TMEM150B: variants seen among roughly 807,000 people sequenced by gnomAD.
The protein encoded by TMEM150B is modulator of macroautophagy TMEM150B.
A neutral mutation model predicts 25.2 loss-of-function variants in TMEM150B; 33 were observed. The observed-to-expected ratio is 1.31, with a 90% CI of 0.99 to 1.75. The LOEUF is 1.75. Among genes scored for constraint, TMEM150B ranks in the 40% most tolerant of loss-of-function variants. The pLI is 0.00. For synonymous variants in TMEM150B, 133 were observed against 134.8 expected, an observed-to-expected ratio of 0.99 and a Z score of 0.09; for missense variants, 322 against 306.1, an observed-to-expected ratio of 1.05 and a Z score of -0.39.
At chr19:55,310,714 C>T (rs1354625558), downstream of TMEM150B, among the ~76,000 whole-genome samples, 3 of 152,172 alleles carry the variant, frequency 2.0e-5, no homozygotes, top group African/African-American at 4.8e-5. The surrounding 1 kb of genome is among the most constrained non-coding windows in gnomAD (Gnocchi z 5.0). Flanking sequence ...AAATGGCAGT[C>T]GTGCTGAGGT....
At chr19:55,317,107 A>ACT in intron 6 of TMEM150B, 141 bp from the exon 7 acceptor site, 1 of 668,334 alleles carries the variant, frequency 1.5e-6, no homozygotes, top group Non-Finnish European at 2.4e-6. Context: ...TAAGCACATC[A>ACT]GCTATTGTCA....
In TMEM150B at chr19:55,313,036, GC is replaced by G. The variant is rs1348397548; in HGVS notation, c.524del (p.Cys175SerfsTer25). On this transcript the variant is annotated frameshift_variant, in exon 8 of 8. Transcript: ENST00000326652. LOFTEE classifies it low-confidence loss of function (END_TRUNC). ...AGGCCGCAGAGACGCTACGCAGCGAGCAGGCGTGGAGGACGATCACTGCCCC... is the reference window on the plus strand; with the variant it reads ...AGGCCGCAGAGACGCTACGCAGCGAGAGGCGTGGAGGACGATCACTGCCCC... ...LIVAMIVLHA[C>X]SLRSVSAACE... The G allele has an allele frequency of 6.2e-7, 1 of 1,612,356 alleles. No individual in the cohort carries two copies. Among genetic ancestry groups the G allele is most frequent in the South Asian group, 1.1e-5 (1 of 90,862 alleles).
At chr19:55,311,263 A>G (rs552041104), downstream of TMEM150B, among the ~76,000 whole-genome samples, 227 of 152,184 alleles carry the variant, frequency 1.5e-3, 1 homozygote, top group Admixed American at 3.9e-3. Flanking sequence ...CGCCCGGCCC[A>G]CTCAGTTTCT....
intron 2 of TMEM150B, among the ~76,000 whole-genome samples, chr19:55,321,813 A>C (rs2089214624): frequency 6.6e-6 from 1 of 152,110 alleles, no homozygotes; most frequent in African/African-American, 2.4e-5. Flanking sequence ...CGGGTACCCA[A>C]GAGTGAGGGC....
chr19:55,310,356 TCTGA>T (rs1188037850), downstream of TMEM150B, among the ~76,000 whole-genome samples: 3 of 152,244 alleles, frequency 2.0e-5, no homozygotes, highest in South Asian at 6.2e-4. The surrounding 1 kb of genome is among the most constrained non-coding windows in gnomAD (Gnocchi z 5.0). Flanking sequence ...CATATATCCC[TCTGA>T]CTGACCTTAG....
chr19:55,311,946 GC>G, downstream of TMEM150B: 1 of 1,610,632 alleles, frequency 6.2e-7, no homozygotes, highest in Non-Finnish European at 8.5e-7. Flanking sequence ...GCCTGCTGGT[GC>G]CCCACCCCGA....
chr19:55,316,841 C>A lies in TMEM150B; in HGVS notation c.450G>T (p.Trp150Cys), dbSNP rs778327681. 8.2e-6 allele frequency: 13 copies of A among 1,586,372 alleles called. No homozygotes were observed. The highest frequency in any genetic ancestry group is 8.5e-6 in the Non-Finnish European group (10 of 1,170,660). Residue 150 changes from tryptophan to cysteine, a missense_variant, in exon 7 of 8, where the codon TGG becomes TGT. Trp to Cys is a radical substitution (Grantham distance 215, BLOSUM62 -2). Transcript: ENST00000326652. ...AGAGGCCCAGGCGGAGGGGCCCAAT[C>A]CAGGCAGCCCCGGGCTGGGGCAGCC... The part of the protein sequence containing the change: ...LKRLPQPGAA[W>C]IGPLRLGLCS...
chr19:55,316,830 A>AT lies in TMEM150B; in HGVS notation c.460_461insA (p.Leu154HisfsTer26). On this transcript the variant is annotated frameshift_variant, in exon 7 of 8. Coordinates refer to ENST00000326652, the MANE Select transcript of TMEM150B (RefSeq NM_001282011.2). LOFTEE classifies it low-confidence loss of function (END_TRUNC). ...GCAGACGCTGCAGAGGCCCAGGCGG[A>AT]GGGGCCCAATCCAGGCAGCCCCGGG... 4 of 1,578,302 alleles carry AT rather than the reference A, an allele frequency of 2.5e-6. No individual in the cohort carries two copies. Among genetic ancestry groups the AT allele is most frequent in the Non-Finnish European group, 3.4e-6 (4 of 1,168,056 alleles).
At chr19:55,316,090 G>A (rs1227076574) in intron 7 of TMEM150B, among the ~76,000 whole-genome samples, 1 of 152,178 alleles carries the variant, frequency 6.6e-6, no homozygotes, top group Non-Finnish European at 1.5e-5. Context: ...TTGGAATTGA[G>A]TCAAGCCTCA....
chr19:55,311,522 G>A (rs1199855646), downstream of TMEM150B, among the ~76,000 whole-genome samples: 2 of 152,192 alleles, frequency 1.3e-5, no homozygotes, highest in Non-Finnish European at 2.9e-5. Context: ...AACCAGGGTA[G>A]GAGAGAGTCG....
At chr19:55,317,070 A>C in intron 6 of TMEM150B, 104 bp from the exon 7 acceptor site, 1 of 1,004,534 alleles carries the variant, frequency 1.0e-6, no homozygotes, top group African/African-American at 1.7e-5. Context: ...GTGGTCACCA[A>C]CTTTCCATAC....
chr19:55,314,761 G>A (rs868776295), intron 7 of TMEM150B, among the ~76,000 whole-genome samples: 3 of 152,244 alleles, frequency 2.0e-5, no homozygotes, highest in Middle Eastern at 3.4e-3. Context: ...ACTATAGGCC[G>A]GGCTGAGGGG....
chr19:55,317,810 G>A lies in TMEM150B; in HGVS notation c.325-844C>T, dbSNP rs534107462. Among the ~76,000 whole-genome samples the A allele has an allele frequency of 1.1e-4, 17 of 150,050 alleles. 1 individual carries two copies. In the South Asian group the frequency reaches 2.3e-3, roughly 20 times the overall value. ...AAAAAAAAAAATACAAATATTAGCC[G>A]GTCATGGTGGCTCAGGCCTGTAATC... On this transcript the variant is annotated intron_variant, in intron 6 of 7. Transcript: ENST00000326652.
downstream of TMEM150B, chr19:55,312,776 C>T: frequency 1.4e-6 from 2 of 1,384,670 alleles, no homozygotes; most frequent in South Asian, 2.9e-5. Flanking sequence ...TCCAGTGGCT[C>T]ATCTTGCTGG....
rs753292222 is a variant in TMEM150B at position 55,316,798 on chromosome 19, G to C, written c.493C>G (p.Leu165Val). Residue 165 changes from leucine (L) to valine (V), a missense_variant, in exon 7 of 8, where the codon CTC becomes GTC. Transcript: ENST00000326652. ...ACAAGAAGGATACTGGCCACAATGA[G>C]GATGGTGCAGACGCTGCAGAGGCCC... ...RLGLCSVCTI[L>V]IVAMIVLHAC... The C allele has an allele frequency of 6.5e-7, 1 of 1,539,214 alleles. No homozygotes were observed. Among genetic ancestry groups the C allele is most frequent in the Non-Finnish European group, 8.7e-7 (1 of 1,150,650 alleles).
chr19:55,315,931 A>AAAAT (rs1231961021), intron 7 of TMEM150B, among the ~76,000 whole-genome samples: 1 of 152,200 alleles, frequency 6.6e-6, no homozygotes, highest in East Asian at 1.9e-4. Flanking sequence ...CTCTGTCTCA[A>AAAAT]AAATAAATAA....
In TMEM150B at chr19:55,323,941, G is replaced by A. The variant is rs1376940607; in HGVS notation, c.-153-1198C>T. ...CATGCCTCAGCCTCCCAAGTAGCTG[G>A]GATTACAGGTGCCCGCCACTATGCC... On this transcript the variant is annotated intron_variant, in intron 1 of 7. Coordinates refer to ENST00000326652, the MANE Select transcript of TMEM150B (RefSeq NM_001282011.2). 2.0e-5 allele frequency among the ~76,000 whole-genome samples: 3 copies of A among 150,804 alleles called. No homozygotes were observed. In the East Asian group the frequency reaches 5.9e-4, roughly 30 times the overall value.
At chr19:55,311,846 C>T (rs1433538112), downstream of TMEM150B, 4 of 1,550,236 alleles carry the variant, frequency 2.6e-6, no homozygotes, top group Non-Finnish European at 3.5e-6. Flanking sequence ...TGCCCCCATC[C>T]CCTGGTAATG....
downstream of TMEM150B, among the ~76,000 whole-genome samples, chr19:55,310,229 CAG>C (rs2088753637): frequency 6.6e-6 from 1 of 152,188 alleles, no homozygotes; most frequent in South Asian, 2.1e-4. This position sits in a 1 kb window ranked among gnomAD's most constrained non-coding sequence, Gnocchi z 5.0. Context: ...TGCAGGCTAA[CAG>C]GGTGCCTGGA....
Sources: gnomAD v4.1 joint callset for allele counts (sites outside exome capture counted in the v4.1 genomes callset) on GRCh38, gnomAD v4.1.1 for gene constraint, Gnocchi (gnomAD v3.1) non-coding constraint, MANE v1.5 for transcripts, NCBI Gene and HGNC (gene_info 2026-07-23, HGNC 2026-07-21) for gene names.